The following SLC4A8 variants were observed in gnomAD, a reference collection of about 807,000 sequenced individuals.
SLC4A8 encodes the protein solute carrier family 4 member 8.
In SLC4A8, 40 loss-of-function variants were observed where a neutral mutation model predicts 125.0. The observed-to-expected ratio is 0.32, with a 90% CI of 0.25 to 0.42. The LOEUF (loss-of-function observed/expected upper bound fraction) is 0.42, where lower values mean the gene tolerates loss of function less well. SLC4A8 is among the 10% of genes least tolerant of loss of function. The pLI, the probability that SLC4A8 is intolerant of heterozygous loss-of-function variation, is 1.00. For synonymous variants in SLC4A8, 456 were observed against 476.0 expected (o/e 0.96, Z 0.55); for missense variants, 863 against 1,355.1 (o/e 0.64, Z 5.70).
intron 11 of SLC4A8, among the ~76,000 whole-genome samples, chr12:51,465,254 A>AT: frequency 6.6e-6 from 1 of 152,336 alleles, no homozygotes; most frequent in East Asian, 1.9e-4. Flanking sequence ...GGGTGTCCAC[A>AT]CTTTAGGAAC....
intron 11 of SLC4A8, among the ~76,000 whole-genome samples, chr12:51,463,929 T>G (rs1950432686): frequency 6.6e-6 from 1 of 152,208 alleles, no homozygotes; most frequent in East Asian, 1.9e-4. Context: ...CCATGTTTTG[T>G]CTCACCTCCA....
At chr12:51,490,099 A>T in intron 19 of SLC4A8, 148 bp downstream of exon 19, 2 of 700,948 alleles carry the variant, frequency 2.9e-6, no homozygotes, top group Non-Finnish European at 4.7e-6. Flanking sequence ...TAAGACAGAT[A>T]ACATGTAGTT....
chr12:51,470,896 A>G (rs1950673584), intron 13 of SLC4A8, among the ~76,000 whole-genome samples: 1 of 150,548 alleles, frequency 6.6e-6, no homozygotes, highest in Non-Finnish European at 1.5e-5. Flanking sequence ...TGCTATTGAT[A>G]GTGGGGCACA....
intron 7 of SLC4A8, 131 bp downstream of exon 7, chr12:51,458,781 C>A: frequency 1.6e-6 from 1 of 631,566 alleles, no homozygotes; most frequent in Admixed American, 2.8e-5. Flanking sequence ...GCCCTTTCTG[C>A]ATAAAAGGGG....
At chr12:51,461,537 CTAT>C in intron 9 of SLC4A8, 1 of 381,606 alleles carries the variant, frequency 2.6e-6, no homozygotes, top group Non-Finnish European at 4.8e-6. Context: ...TCTGGGGAAA[CTAT>C]TATTGCCAAG....
At chr12:51,498,015 C>T (rs1382892808) in intron 22 of SLC4A8, among the ~76,000 whole-genome samples, 2 of 151,472 alleles carry the variant, frequency 1.3e-5, no homozygotes, top group East Asian at 1.9e-4. Flanking sequence ...CATGCCACTG[C>T]ACTCCAGCCT....
chr12:51,515,457 T>C lies in SLC4A8; in HGVS notation c.*8019T>C, dbSNP rs1027012039. The C allele has an allele frequency of 6.6e-6, 1 of 152,220 alleles. No individual in the cohort carries two copies. The highest frequency in any genetic ancestry group is 2.4e-5 in the African/African-American group (1 of 41,458). 9.4% of individuals were successfully genotyped at this position (152,220 alleles called of 1,614,324 possible). On this transcript the variant is annotated 3_prime_UTR_variant, in exon 25 of 25. Transcript: ENST00000453097. ...TTGTTTTCTATGTTCTTCTTTCTAG[T>C]GGGTCTCATGTAGAGATAGAGATAT... is the stretch of plus-strand genomic sequence containing the variant.
chr12:51,423,674 C>T (rs1446608849), upstream of SLC4A8, among the ~76,000 whole-genome samples: 1 of 152,164 alleles, frequency 6.6e-6, no homozygotes, highest in Non-Finnish European at 1.5e-5. Context: ...GAATTATTTG[C>T]AACAATTCTT....
At position 51,457,636 on chromosome 12, in the gene SLC4A8, A is replaced by G. The variant is rs1950195126; in HGVS notation, c.763+97A>G. ...TAGGGGTGGGGGCTGTATTTGTCTA[A>G]TATGTTTCCATGTCCACTTAGGCAC... On this transcript the variant is annotated intron_variant, in intron 6 of 24. Transcript: ENST00000453097. 3 of 1,124,576 alleles carry G rather than the reference A, an allele frequency of 2.7e-6. No individual in the cohort carries two copies. The East Asian group carries it at 7.2e-5, about 27-fold the overall frequency. 69.7% of individuals were successfully genotyped at this position (1,124,576 alleles called of 1,614,324 possible).
intron 5 of SLC4A8, among the ~76,000 whole-genome samples, chr12:51,454,055 G>A (rs966648382): frequency 6.6e-6 from 1 of 152,178 alleles, no homozygotes; most frequent in Admixed American, 6.5e-5. Flanking sequence ...CCAGCACTTC[G>A]GGATGCCAAG....
At position 51,514,512 on chromosome 12, in the gene SLC4A8, G is replaced by A. The variant is rs897951503; in HGVS notation, c.*7074G>A. 6.6e-6 allele frequency: 1 copy of A among 152,152 alleles called. No homozygotes were observed. The highest frequency in any genetic ancestry group is 1.5e-5 in the Non-Finnish European group (1 of 68,054). The allele number at this position is 152,152 out of a possible 1,614,324, so 9.4% of individuals were successfully genotyped here. A position where few individuals can be genotyped will look rare whatever the true frequency, so the allele number is the denominator to read the frequency against. ...AGGTCCTAAAACCACCACCAGCTGGGGGTGCTGAGAATGGTGAGGAGTTGG... is the reference window on the plus strand; with the variant it reads ...AGGTCCTAAAACCACCACCAGCTGGAGGTGCTGAGAATGGTGAGGAGTTGG... On this transcript the variant is annotated 3_prime_UTR_variant, in exon 25 of 25. Coordinates refer to ENST00000453097, the MANE Select transcript of SLC4A8 (RefSeq NM_001039960.3).
chr12:51,483,801 C>T (rs1193355164), intron 16 of SLC4A8, among the ~76,000 whole-genome samples: 1 of 151,826 alleles, frequency 6.6e-6, no homozygotes, highest in Non-Finnish European at 1.5e-5. Context: ...AGGTTTGTTA[C>T]ATATGTATAC....
intron 5 of SLC4A8, among the ~76,000 whole-genome samples, chr12:51,455,722 GATC>G (rs1405512203): frequency 2.6e-5 from 4 of 152,174 alleles, no homozygotes; most frequent in African/African-American, 9.7e-5. Context: ...GTCTCTCTGG[GATC>G]ATAGGAGGAC....
At chr12:51,402,007 A>T (rs1565750208) in intron 1 of SLC4A8, among the ~76,000 whole-genome samples, 1 of 151,838 alleles carries the variant, frequency 6.6e-6, no homozygotes, top group Admixed American at 6.6e-5. Context: ...AGCTTAAGTG[A>T]TCCTCCTCCT....
chr12:51,471,248 T>G (rs763648231), intron 13 of SLC4A8, 39 bp from the exon 14 acceptor site: 1 of 1,587,804 alleles, frequency 6.3e-7, no homozygotes, highest in South Asian at 1.1e-5. Context: ...CTTAATGCCA[T>G]CCATCCATGC....
chr12:51,406,264 A>G (rs1948486071), intron 1 of SLC4A8, among the ~76,000 whole-genome samples: 1 of 152,190 alleles, frequency 6.6e-6, no homozygotes. Flanking sequence ...ATCCCGAGGG[A>G]GAGATTTTGG....
At chr12:51,401,480 T>C (rs1948390920) in intron 1 of SLC4A8, among the ~76,000 whole-genome samples, 1 of 152,190 alleles carries the variant, frequency 6.6e-6, no homozygotes, top group Non-Finnish European at 1.5e-5. Flanking sequence ...AAACTCTATG[T>C]CTTTCCGTGG....
At chr12:51,475,576 C>T (rs1198883598) in intron 16 of SLC4A8, among the ~76,000 whole-genome samples, 5 of 152,178 alleles carry the variant, frequency 3.3e-5, no homozygotes, top group South Asian at 4.1e-4. Context: ...GTCATTGTGA[C>T]CTTGGATACT....
intron 21 of SLC4A8, among the ~76,000 whole-genome samples, chr12:51,495,470 CT>C (rs3028942): frequency 0.31 from 23,126 of 75,684 alleles, 1,508 homozygotes; most frequent in Middle Eastern, 0.39. Context: ...TTTCTTTCTT[CT>C]TTTTTTTTTT....
Sources: gnomAD v4.1 joint callset for allele counts (sites outside exome capture counted in the v4.1 genomes callset) on GRCh38, gnomAD v4.1.1 for gene constraint, MANE v1.5 for transcripts, NCBI Gene and HGNC (gene_info 2026-07-23, HGNC 2026-07-21) for gene names.